DIS3L2: variants seen among roughly 807,000 people sequenced by gnomAD.
DIS3L2 encodes the protein DIS3-like exonuclease 2.
In DIS3L2, 34 loss-of-function variants were observed where a neutral mutation model predicts 97.5. The observed-to-expected ratio is 0.35, with a 90% CI of 0.27 to 0.46. The LOEUF (loss-of-function observed/expected upper bound fraction) is 0.46. DIS3L2 is among the 20% of genes least tolerant of loss of function. The probability of loss-of-function intolerance (pLI) is 1.00; values close to 1 mark genes in which losing one functional copy is unlikely to be tolerated. For synonymous variants in DIS3L2, 435 were observed against 445.2 expected, an observed-to-expected ratio of 0.98 and a Z score of 0.29; for missense variants, 1,038 against 1,146.0, an observed-to-expected ratio of 0.91 and a Z score of 1.36.
chr2:232,127,496 C>T (rs145914148), intron 6 of DIS3L2, among the ~76,000 whole-genome samples: 283 of 152,306 alleles, frequency 1.9e-3, no homozygotes, highest in African/African-American at 6.5e-3. Context: ...CAGCTCCAGC[C>T]TCTCATGCCT....
chr2:232,295,951 T>C (rs1261629037), intron 13 of DIS3L2, among the ~76,000 whole-genome samples: 1 of 152,228 alleles, frequency 6.6e-6, no homozygotes, highest in Non-Finnish European at 1.5e-5. Context: ...GTTTCTGTTG[T>C]CCAGCTCTTA....
At position 232,054,454 on chromosome 2, in the gene DIS3L2, AT is replaced by A. The variant is rs1695489925; in HGVS notation, c.366+24379del. 4.6e-5 allele frequency among the ~76,000 whole-genome samples: 7 copies of A among 152,332 alleles called. No homozygotes were observed. The South Asian group carries it at 1.5e-3, about 32-fold the overall frequency. ...TTAACAAATGCAAAAGCCAGAAGTG[AT>A]TTTTACCTTTTTCTAATTTGAAAGG... is the stretch of plus-strand genomic sequence containing the variant. On this transcript the variant is annotated intron_variant, in intron 5 of 20. Coordinates refer to ENST00000325385, the MANE Select transcript of DIS3L2 (RefSeq NM_152383.5).
chr2:231,974,223 A>G (rs573017576), intron 1 of DIS3L2, among the ~76,000 whole-genome samples: 1 of 152,188 alleles, frequency 6.6e-6, no homozygotes, highest in East Asian at 1.9e-4. Context: ...GTAAAAGAGG[A>G]GCACATAGGG....
At chr2:232,086,753 C>T (rs1402824313) in intron 5 of DIS3L2, among the ~76,000 whole-genome samples, 7 of 149,594 alleles carry the variant, frequency 4.7e-5, no homozygotes, top group East Asian at 2.0e-4. Context: ...CATCTCGGCT[C>T]GCTGCAAGCT....
At chr2:232,057,589 A>G (rs757930130) in intron 5 of DIS3L2, among the ~76,000 whole-genome samples, 2 of 152,102 alleles carry the variant, frequency 1.3e-5, no homozygotes, top group Non-Finnish European at 2.9e-5. Context: ...CAAGAAAACA[A>G]ATTTTGCCGA....
intron 11 of DIS3L2, among the ~76,000 whole-genome samples, chr2:232,239,803 CA>C (rs1163200207): frequency 4.6e-5 from 7 of 152,190 alleles, no homozygotes; most frequent in African/African-American, 1.7e-4. Context: ...CAGGAAAGCC[CA>C]AAAGTTTCTA....
At chr2:232,198,542 A>G (rs1394870592) in intron 9 of DIS3L2, 1 of 152,240 alleles carries the variant, frequency 6.6e-6, no homozygotes, top group African/African-American at 2.4e-5. Flanking sequence ...CTACTACCAG[A>G]GATAAAAGAA....
intron 1 of DIS3L2, among the ~76,000 whole-genome samples, chr2:231,963,374 C>T (rs907017217): frequency 1.3e-5 from 2 of 152,054 alleles, no homozygotes; most frequent in Non-Finnish European, 2.9e-5. Context: ...GCTTGTATGT[C>T]GTGGTTTTTT....
rs1432383312 is a variant in DIS3L2 at position 232,325,346 on chromosome 2, G to A, written c.1740-4467G>A. 1.3e-5 allele frequency among the ~76,000 whole-genome samples: 2 copies of A among 152,326 alleles called. No individual in the cohort carries two copies. Among genetic ancestry groups the A allele is most frequent in the East Asian group, 1.9e-4 (1 of 5,188 alleles). On this transcript the variant is annotated intron_variant, in intron 14 of 20. Transcript: ENST00000325385. The surrounding 1 kb of genome is among the most constrained non-coding windows in gnomAD (Gnocchi z 4.6). ...GTTGTTGCTTTTTCTTTAGAGGAACGTTTGTGCACTGTGGGAACCTCTGTC... is the reference window on the plus strand; with the variant it reads ...GTTGTTGCTTTTTCTTTAGAGGAACATTTGTGCACTGTGGGAACCTCTGTC...
At chr2:232,277,962 A>T (rs1694185537) in intron 13 of DIS3L2, among the ~76,000 whole-genome samples, 1 of 151,558 alleles carries the variant, frequency 6.6e-6, no homozygotes, top group Non-Finnish European at 1.5e-5. Context: ...ATCTTATGGG[A>T]CCACTGGCAG....
intron 6 of DIS3L2, among the ~76,000 whole-genome samples, chr2:232,115,488 G>A (rs1339920110): frequency 1.3e-5 from 2 of 152,190 alleles, no homozygotes; most frequent in Non-Finnish European, 2.9e-5. Context: ...GATGTTTTAT[G>A]TCTTCATTCT....
chr2:232,049,605 T>G (rs78834029), intron 5 of DIS3L2, among the ~76,000 whole-genome samples: 6,979 of 152,238 alleles, frequency 0.046, 529 homozygotes, highest in African/African-American at 0.16. Flanking sequence ...CCTCCAGAAC[T>G]GGGGAGACAG....
rs1390990777 is a variant in DIS3L2 at position 232,336,810 on chromosome 2, TGGAA to T, written c.*187_*190del. ...CAAACTGCAGGGGAGAGGGTGGGGC[TGGAA>T]GGAAGGCTGAGGCCTGGTCAGCAGT... On this transcript the variant is annotated 3_prime_UTR_variant, in exon 21 of 21. Coordinates refer to ENST00000325385, the MANE Select transcript of DIS3L2 (RefSeq NM_152383.5). 1.3e-5 allele frequency: 18 copies of T among 1,425,670 alleles called. No homozygotes were observed. The highest frequency in any genetic ancestry group is 1.6e-5 in the Non-Finnish European group (17 of 1,096,292). The allele number at this position is 1,425,670 out of a possible 1,614,324, so 88.3% of individuals were successfully genotyped here.
chr2:232,319,020 C>T (rs1424792193), intron 14 of DIS3L2, among the ~76,000 whole-genome samples: 1 of 152,238 alleles, frequency 6.6e-6, no homozygotes, highest in Non-Finnish European at 1.5e-5. Flanking sequence ...CTCAGAACTC[C>T]TACTGCCAGT....
chr2:232,336,761 A>C lies in DIS3L2; in HGVS notation c.*131A>C. On this transcript the variant is annotated 3_prime_UTR_variant, in exon 21 of 21. Coordinates refer to ENST00000325385, the MANE Select transcript of DIS3L2 (RefSeq NM_152383.5). ...CAGGGGTTTGTTTTTATTTTTATTTAATTTTTGCAGCTCAACTTTTAAACA... is the reference window on the plus strand; with the variant it reads ...CAGGGGTTTGTTTTTATTTTTATTTCATTTTTGCAGCTCAACTTTTAAACA... 1 of 1,482,724 alleles carries C rather than the reference A, an allele frequency of 6.7e-7. No individual in the cohort carries two copies. Among genetic ancestry groups the C allele is most frequent in the African/African-American group, 1.4e-5 (1 of 70,068 alleles). The allele number at this position is 1,482,724 out of a possible 1,614,324, so 91.8% of individuals were successfully genotyped here.
At chr2:232,131,391 A>G (rs1698213380) in intron 7 of DIS3L2, 1 of 152,388 alleles carries the variant, frequency 6.6e-6, no homozygotes, top group Non-Finnish European at 1.5e-5. Flanking sequence ...TCCCTGGTTC[A>G]AGCGATTCTT....
At chr2:232,005,170 A>ATTTTTTTTTTTTTTTTTTTT (rs55757645) in intron 1 of DIS3L2, among the ~76,000 whole-genome samples, 5 of 126,560 alleles carry the variant, frequency 4.0e-5, no homozygotes, top group Admixed American at 8.4e-5. Context: ...AAGAATCTTG[A>ATTTTTTTTTTTTTTTTTTTT]TTTTTTTTTT....
intron 14 of DIS3L2, among the ~76,000 whole-genome samples, chr2:232,321,427 T>A (rs778343258): frequency 1.3e-5 from 2 of 152,134 alleles, no homozygotes; most frequent in Non-Finnish European, 2.9e-5. Context: ...GGCCCAGCTG[T>A]CACCCAGGGG....
At chr2:232,043,697 T>A (rs907208626) in intron 5 of DIS3L2, among the ~76,000 whole-genome samples, 4 of 152,182 alleles carry the variant, frequency 2.6e-5, no homozygotes, top group African/African-American at 9.7e-5. Flanking sequence ...AGTAAATTTG[T>A]TGATTTTGGA....
Sources: gnomAD v4.1 joint callset for allele counts (sites outside exome capture counted in the v4.1 genomes callset) on GRCh38, gnomAD v4.1.1 for gene constraint, Gnocchi (gnomAD v3.1) non-coding constraint, MANE v1.5 for transcripts, NCBI Gene and HGNC (gene_info 2026-07-23, HGNC 2026-07-21) for gene names.